Variants in SEMA6B observed in about 807,000 individuals in gnomAD.
The protein encoded by SEMA6B is semaphorin 6B, also known as semaphorin-6B.
Under a neutral mutation model 78.6 loss-of-function variants are expected in SEMA6B, and 47 were observed. The observed-to-expected ratio is 0.60, with a 90% CI of 0.47 to 0.76. The LOEUF is 0.76. Among genes scored for constraint, SEMA6B ranks in the 30% least tolerant of loss-of-function variants. The probability of loss-of-function intolerance (pLI) is 0.00; values close to 1 mark genes in which losing one functional copy is unlikely to be tolerated. For synonymous variants in SEMA6B, 632 were observed against 592.2 expected (o/e 1.07, Z -0.98); for missense variants, 1,213 against 1,269.9 (o/e 0.96, Z 0.68).
Position 4,558,300 on chromosome 19 carries a change from G to A in SEMA6B, c.121+37C>T, listed in dbSNP as rs1254228614. On this transcript the variant is annotated intron_variant, in intron 2 of 16. Transcript: ENST00000586582. The surrounding 1 kb of genome is among the most constrained non-coding windows in gnomAD (Gnocchi z 5.1). ...AACTGGGAACCCAGATACTCCCACGGGACTCCACCCCCGCCCAAAGACACC... is the reference window on the plus strand; with the variant it reads ...AACTGGGAACCCAGATACTCCCACGAGACTCCACCCCCGCCCAAAGACACC... 29 of 1,314,918 alleles carry A rather than the reference G, an allele frequency of 2.2e-5. No homozygotes were observed. Among genetic ancestry groups the A allele is most frequent in the Non-Finnish European group, 2.7e-5 (28 of 1,022,330 alleles). 81.5% of individuals were successfully genotyped at this position (1,314,918 alleles called of 1,614,324 possible).
At chr19:4,556,117 A>AGC (rs1207271672) in intron 5 of SEMA6B, 28 bp from the exon 6 acceptor site, 1 of 1,533,502 alleles carries the variant, frequency 6.5e-7, no homozygotes, top group Non-Finnish European at 9.0e-7. Context: ...GGAAGCGGGG[A>AGC]GCGCGATGTG....
chr19:4,550,771 T>C lies in SEMA6B; in HGVS notation c.1121+28A>G. ...TGGGGATCAGGACCTCATCCGGGCA[T>C]GTGACTCAGGATGGAGGGGGTTCTC... On this transcript the variant is annotated intron_variant, in intron 11 of 16. Transcript: ENST00000586582. This position sits in a 1 kb window ranked among gnomAD's most constrained non-coding sequence, Gnocchi z 6.6. The C allele has an allele frequency of 6.2e-7, 1 of 1,611,966 alleles. No individual in the cohort carries two copies. Among genetic ancestry groups the C allele is most frequent in the Non-Finnish European group, 8.5e-7 (1 of 1,179,256 alleles).
chr19:4,543,522 C>A lies in SEMA6B; in HGVS notation c.*79G>T. 6 of 754,286 alleles carry A rather than the reference C, an allele frequency of 8.0e-6. No homozygotes were observed. The highest frequency in any genetic ancestry group is 1.1e-5 in the Non-Finnish European group (6 of 552,130). 46.7% of individuals were successfully genotyped at this position (754,286 alleles called of 1,614,324 possible). ...CTTGAGCACCCACTCGGAGTTGCCC[C>A]GGGCCCCGGCGTTCTGGCACCGTCT... On this transcript the variant is annotated 3_prime_UTR_variant, in exon 17 of 17. Transcript: ENST00000586582.
intron 13 of SEMA6B, 25 bp downstream of exon 13, chr19:4,548,238 C>A: frequency 6.3e-7 from 1 of 1,594,378 alleles, no homozygotes; most frequent in East Asian, 2.3e-5. Context: ...GCTGGCGACC[C>A]CTTCCCACCT....
In SEMA6B at chr19:4,544,465, C is replaced by T. The variant is rs1261961748; in HGVS notation, c.1803G>A (p.Thr601=). 6.3e-7 allele frequency: 1 copy of T among 1,598,812 alleles called. No homozygotes were observed. The highest frequency in any genetic ancestry group is 1.4e-5 in the African/African-American group (1 of 73,042). The part of the protein sequence containing the change: ...AGLVSVNLLV[T]SSVAAFVVGA... ...CCACCACGAAGGCCGCCACCGACGA[C>T]GTTACCAGCAGGTTCACCGACACCA... Residue 601 remains threonine, a synonymous_variant, in exon 17 of 17, where the codon ACG becomes ACA. Coordinates refer to ENST00000586582, the MANE Select transcript of SEMA6B (RefSeq NM_032108.4). The surrounding 1 kb of genome is among the most constrained non-coding windows in gnomAD (Gnocchi z 5.1).
In SEMA6B at chr19:4,550,469, T is replaced by C. The variant is rs558699749; in HGVS notation, c.1122-197A>G. On this transcript the variant is annotated intron_variant, in intron 11 of 16. Transcript: ENST00000586582. The surrounding 1 kb of genome is among the most constrained non-coding windows in gnomAD (Gnocchi z 6.6). Reference sequence around the variant, plus strand: ...ACCTCCACCTCCTGGGTTCAAGCGATTCTCCTGCTTCAGCCACCCGAGTGG... The same window carrying C: ...ACCTCCACCTCCTGGGTTCAAGCGACTCTCCTGCTTCAGCCACCCGAGTGG... Among the ~76,000 whole-genome samples the C allele has an allele frequency of 6.6e-6, 1 of 152,246 alleles. No individual in the cohort carries two copies. Among genetic ancestry groups the C allele is most frequent in the Non-Finnish European group, 1.5e-5 (1 of 68,010 alleles).
At position 4,543,522 on chromosome 19, in the gene SEMA6B, CG is replaced by C; in HGVS notation, c.*78del. ...CTTGAGCACCCACTCGGAGTTGCCC[CG>C]GGCCCCGGCGTTCTGGCACCGTCTC... On this transcript the variant is annotated 3_prime_UTR_variant, in exon 17 of 17. Transcript: ENST00000586582. 1 of 754,286 alleles carries C rather than the reference CG, an allele frequency of 1.3e-6. No individual in the cohort carries two copies. The highest frequency in any genetic ancestry group is 1.8e-6 in the Non-Finnish European group (1 of 552,130). 46.7% of individuals were successfully genotyped at this position (754,286 alleles called of 1,614,324 possible). A position where few individuals can be genotyped will look rare whatever the true frequency, so the allele number is the denominator to read the frequency against.
At chr19:4,554,060 T>C (rs994158659) in intron 9 of SEMA6B, among the ~76,000 whole-genome samples, 1 of 149,488 alleles carries the variant, frequency 6.7e-6, no homozygotes, top group Admixed American at 6.7e-5. Context: ...GATGGGTAAG[T>C]GGGAGGGTGA....
In SEMA6B at chr19:4,557,452, G is replaced by A. The variant is rs141408806; in HGVS notation, c.246-229C>T. Among the ~76,000 whole-genome samples, 7 of 152,262 alleles carry A rather than the reference G, an allele frequency of 4.6e-5. No homozygotes were observed. The East Asian group carries it at 1.4e-3, about 29-fold the overall frequency. On this transcript the variant is annotated intron_variant, in intron 3 of 16. Coordinates refer to ENST00000586582, the MANE Select transcript of SEMA6B (RefSeq NM_032108.4). The stretch of plus-strand genomic sequence containing the variant: ...CCCCACGGACTGCCCCCAACACCAT[G>A]TCCCATGGCCTTAGGTCAGGTGCCC...
chr19:4,555,078 C>G lies in SEMA6B; in HGVS notation c.580G>C (p.Ala194Pro). 6.2e-7 allele frequency: 1 copy of G among 1,613,806 alleles called. No individual in the cohort carries two copies. Among genetic ancestry groups the G allele is most frequent in the Non-Finnish European group, 8.5e-7 (1 of 1,179,970 alleles). Reference sequence around the variant, plus strand: ...ATGGCTAGGAAGTCGGTAACAGTAGCTGTGAAGAGCATCCCGTCTGGATGG... The same window carrying G: ...ATGGCTAGGAAGTCGGTAACAGTAGGTGTGAAGAGCATCCCGTCTGGATGG... ...ALFSDGMLFT[A>P]TVTDFLAIDA... Residue 194 changes from alanine to proline, a missense_variant, in exon 8 of 17, where the codon GCT becomes CCT. Transcript: ENST00000586582. The surrounding 1 kb of genome is among the most constrained non-coding windows in gnomAD (Gnocchi z 6.1).
At chr19:4,548,478 C>A (rs767901205) in intron 12 of SEMA6B, 33 bp from the exon 13 acceptor site, 1 of 1,585,928 alleles carries the variant, frequency 6.3e-7, no homozygotes, top group South Asian at 1.1e-5. Context: ...GTCAGGCTGG[C>A]CCCATATCAC....
At position 4,543,297 on chromosome 19, in the gene SEMA6B, C is replaced by T. The variant is rs1977067929; in HGVS notation, c.*304G>A. 2 of 471,394 alleles carry T rather than the reference C, an allele frequency of 4.2e-6. No homozygotes were observed. Among genetic ancestry groups the T allele is most frequent in the East Asian group, 6.6e-5 (2 of 30,482 alleles). 29.2% of individuals were successfully genotyped at this position (471,394 alleles called of 1,614,324 possible). A position where few individuals can be genotyped will look rare whatever the true frequency, so the allele number is the denominator to read the frequency against. On this transcript the variant is annotated 3_prime_UTR_variant, in exon 17 of 17. Coordinates refer to ENST00000586582, the MANE Select transcript of SEMA6B (RefSeq NM_032108.4). The stretch of plus-strand genomic sequence containing the variant: ...CGGAGTTGTGCAATTGGTTAGAAAA[C>T]CGCAAAAGAAACCAAAACTGCAAAA...
Position 4,555,354 on chromosome 19 carries a change from G to A in SEMA6B, c.562+120C>T, listed in dbSNP as rs1977439075. On this transcript the variant is annotated intron_variant, in intron 7 of 16. Transcript: ENST00000586582. This position sits in a 1 kb window ranked among gnomAD's most constrained non-coding sequence, Gnocchi z 6.1. ...AAACCTGGGCTGAGAGTCTGCCCAT[G>A]TCACAGCTGGGACAAGTGGTCGTCC... 2 of 939,504 alleles carry A rather than the reference G, an allele frequency of 2.1e-6. No individual in the cohort carries two copies. The highest frequency in any genetic ancestry group is 3.2e-6 in the Non-Finnish European group (2 of 623,566). 58.2% of individuals were successfully genotyped at this position (939,504 alleles called of 1,614,324 possible).
In SEMA6B at chr19:4,548,292, C is replaced by T. The variant is rs760207124; in HGVS notation, c.1425G>A (p.Leu475=). Residue 475 remains leucine (L), a synonymous_variant, in exon 13 of 17, where the codon CTG becomes CTA. Coordinates refer to ENST00000586582, the MANE Select transcript of SEMA6B (RefSeq NM_032108.4). ...TSGTSGLSVF[L]EEFETYRPDR... ...CCGGCCGGTAGGTCTCAAACTCCTCCAGGAAGACACTGAGCCCAGACGTCC... is the reference window on the plus strand; with the variant it reads ...CCGGCCGGTAGGTCTCAAACTCCTCTAGGAAGACACTGAGCCCAGACGTCC... The T allele has an allele frequency of 6.2e-7, 1 of 1,613,596 alleles. No homozygotes were observed. Among genetic ancestry groups the T allele is most frequent in the Non-Finnish European group, 8.5e-7 (1 of 1,179,740 alleles).
rs917423391 is a variant in SEMA6B at position 4,552,019 on chromosome 19, CT to C, written c.989+402del. 3.9e-5 allele frequency among the ~76,000 whole-genome samples: 6 copies of C among 152,132 alleles called. No individual in the cohort carries two copies. Among genetic ancestry groups the C allele is most frequent in the African/African-American group, 1.4e-4 (6 of 41,424 alleles). Reference sequence around the variant, plus strand: ...CTGCTTTCCTGTTGTGCATTCTCCCCTAGTTCCCTTCCCACACAGACTCTCT... The same window carrying C: ...CTGCTTTCCTGTTGTGCATTCTCCCCAGTTCCCTTCCCACACAGACTCTCT... On this transcript the variant is annotated intron_variant, in intron 10 of 16. Transcript: ENST00000586582. This position sits in a 1 kb window ranked among gnomAD's most constrained non-coding sequence, Gnocchi z 7.4.
Position 4,548,407 on chromosome 19 carries a change from C to T in SEMA6B, c.1310G>A (p.Gly437Asp). Residue 437 changes from glycine to aspartate, a missense_variant, in exon 13 of 17, where the codon GGC (glycine) becomes GAC (aspartate). Gly to Asp is a moderately conservative substitution (Grantham distance 94). Coordinates refer to ENST00000586582, the MANE Select transcript of SEMA6B (RefSeq NM_032108.4). ...GACAACGGTCTGGTTGCCCCAGGGG[C>T]CGGCTCCCACGTCCACAGCCACTCG... ...LTRVAVDVGA[G>D]PWGNQTVVFL... is the part of the protein sequence containing the mutation. 6.2e-7 allele frequency: 1 copy of T among 1,613,256 alleles called. No homozygotes were observed. Among genetic ancestry groups the T allele is most frequent in the Non-Finnish European group, 8.5e-7 (1 of 1,179,872 alleles).
Position 4,544,108 on chromosome 19 carries a change from C to A in SEMA6B, c.2160G>T (p.Leu720=). The A allele has an allele frequency of 7.9e-7, 1 of 1,272,494 alleles. No individual in the cohort carries two copies. The highest frequency in any genetic ancestry group is 2.6e-5 in the South Asian group (1 of 38,792). The allele number at this position is 1,272,494 out of a possible 1,614,324, so 78.8% of individuals were successfully genotyped here. The change falls in exon 17 of 17, where the codon CTG becomes CTT. Residue 720 remains leucine, a synonymous_variant. Transcript: ENST00000586582. The surrounding 1 kb of genome is among the most constrained non-coding windows in gnomAD (Gnocchi z 5.1). ...PEQTPLPQKR[L]PTPHPHPHAL... Reference sequence around the variant, plus strand: ...CGTGGGGGTGCGGGTGCGGAGTGGGCAGGCGCTTCTGCGGCAGCGGCGTCT... The same window carrying A: ...CGTGGGGGTGCGGGTGCGGAGTGGGAAGGCGCTTCTGCGGCAGCGGCGTCT...
chr19:4,552,779 C>G lies in SEMA6B; in HGVS notation c.772-140G>C. On this transcript the variant is annotated intron_variant, in intron 9 of 16. Transcript: ENST00000586582. The surrounding 1 kb of genome is among the most constrained non-coding windows in gnomAD (Gnocchi z 7.4). ...GTGGGACCCCGGCCAGTCACCGTTC[C>G]TCTCTGGGCACCGGCTTCCCTGGCA... 1.4e-6 allele frequency: 1 copy of G among 728,486 alleles called. No individual in the cohort carries two copies. Among genetic ancestry groups the G allele is most frequent in the Non-Finnish European group, 2.2e-6 (1 of 458,410 alleles). 45.1% of individuals were successfully genotyped at this position (728,486 alleles called of 1,614,324 possible). A position where few individuals can be genotyped will look rare whatever the true frequency, so the allele number is the denominator to read the frequency against.
rs1026117024 is a variant in SEMA6B, at chr19:4,552,049, G to A, written c.989+373C>T. 2.0e-5 allele frequency among the ~76,000 whole-genome samples: 3 copies of A among 152,004 alleles called. No homozygotes were observed. Among genetic ancestry groups the A allele is most frequent in the Non-Finnish European group, 4.4e-5 (3 of 68,004 alleles). The stretch of plus-strand genomic sequence containing the variant: ...TCCCTTCCCACACAGACTCTCTCAC[G>A]ATTACTTAAGTATACTGAACTCACT... On this transcript the variant is annotated intron_variant, in intron 10 of 16. Transcript: ENST00000586582. This position sits in a 1 kb window ranked among gnomAD's most constrained non-coding sequence, Gnocchi z 7.4.
Sources: gnomAD v4.1 joint callset for allele counts (sites outside exome capture counted in the v4.1 genomes callset) on GRCh38, gnomAD v4.1.1 for gene constraint, Gnocchi (gnomAD v3.1) non-coding constraint, MANE v1.5 for transcripts, NCBI Gene and HGNC (gene_info 2026-07-23, HGNC 2026-07-21) for gene names.